The following CAMTA1 variants were observed in gnomAD, a reference collection of about 807,000 sequenced individuals.
CAMTA1 encodes calmodulin binding transcription activator 1.
In CAMTA1, 27 loss-of-function variants were observed where a neutral mutation model predicts 170.9. The observed-to-expected ratio is 0.16, with a 90% CI of 0.12 to 0.22. The LOEUF is 0.22. Ranked by LOEUF, CAMTA1 falls within the 10% of genes least tolerant of loss-of-function variation. CAMTA1 has a pLI of 1.00. For synonymous variants in CAMTA1, 833 were observed against 891.5 expected, an observed-to-expected ratio of 0.93 and a Z score of 1.17; for missense variants, 1,619 against 2,217.2, an observed-to-expected ratio of 0.73 and a Z score of 5.42.
intron 11 of CAMTA1, among the ~76,000 whole-genome samples, chr1:7,714,269 C>T (rs1206448735): frequency 1.3e-5 from 2 of 152,172 alleles, no homozygotes; most frequent in Non-Finnish European, 2.9e-5. Flanking sequence ...GAAAGCTTTT[C>T]CTTCAAGAAA....
At chr1:7,651,849 G>A (rs576806712) in intron 7 of CAMTA1, among the ~76,000 whole-genome samples, 6 of 152,226 alleles carry the variant, frequency 3.9e-5, no homozygotes, top group Admixed American at 6.5e-5. Flanking sequence ...AGGCCAGCAC[G>A]GTGCTGCCAC....
chr1:6,826,311 G>A (rs546158051), intron 3 of CAMTA1, among the ~76,000 whole-genome samples: 1 of 152,204 alleles, frequency 6.6e-6, no homozygotes, highest in South Asian at 2.1e-4. Flanking sequence ...TCTATGTTTT[G>A]ATCATTTTCA....
At chr1:7,149,964 C>G (rs557391513) in intron 4 of CAMTA1, among the ~76,000 whole-genome samples, 11 of 151,910 alleles carry the variant, frequency 7.2e-5, no homozygotes, top group Admixed American at 6.5e-4. Flanking sequence ...GAGGCTTCGT[C>G]TCATTTCCTT....
intron 6 of CAMTA1, among the ~76,000 whole-genome samples, chr1:7,594,834 G>A (rs115784903): frequency 1.5e-3 from 221 of 152,348 alleles, no homozygotes; most frequent in African/African-American, 5.1e-3. Context: ...GGGAACAGGC[G>A]GGATGAAGAG....
intron 6 of CAMTA1, among the ~76,000 whole-genome samples, chr1:7,600,000 T>G (rs1304560159): frequency 6.6e-6 from 1 of 152,084 alleles, no homozygotes; most frequent in Non-Finnish European, 1.5e-5. Flanking sequence ...GGTGAGAGAG[T>G]GCATCCCTGT....
Position 7,333,397 on chromosome 1 carries a change from G to A in CAMTA1, c.438+83771G>A, listed in dbSNP as rs1472456000. Among the ~76,000 whole-genome samples, 4 of 152,188 alleles carry A rather than the reference G, an allele frequency of 2.6e-5. No individual in the cohort carries two copies. The highest frequency in any genetic ancestry group is 9.7e-5 in the African/African-American group (4 of 41,446). ...CACGCTGCAGAGTGATGATCGCATA[G>A]GCACGCCTTCCTGCAAGGTCACAGG... is the stretch of plus-strand genomic sequence containing the variant. On this transcript the variant is annotated intron_variant, in intron 5 of 22. Transcript: ENST00000303635. This position sits in a 1 kb window ranked among gnomAD's most constrained non-coding sequence, Gnocchi z 4.4.
chr1:7,081,076 G>A (rs1639953343), intron 3 of CAMTA1, among the ~76,000 whole-genome samples: 1 of 152,226 alleles, frequency 6.6e-6, no homozygotes, highest in Admixed American at 6.5e-5. Context: ...GAAGTGGTCT[G>A]TAGAAGTGGC....
chr1:7,432,650 G>T (rs2092214040), intron 5 of CAMTA1, among the ~76,000 whole-genome samples: 1 of 152,156 alleles, frequency 6.6e-6, no homozygotes, highest in South Asian at 2.1e-4. Flanking sequence ...GTGCTGGGGT[G>T]GTCCGTCCTG....
At chr1:6,863,744 T>TGAC (rs1433878345) in intron 3 of CAMTA1, among the ~76,000 whole-genome samples, 1 of 152,260 alleles carries the variant, frequency 6.6e-6, no homozygotes, top group East Asian at 1.9e-4. Context: ...CTGTGGTACA[T>TGAC]GTTTCACACC....
At chr1:7,338,515 A>C (rs1040950970) in intron 5 of CAMTA1, among the ~76,000 whole-genome samples, 1 of 152,178 alleles carries the variant, frequency 6.6e-6, no homozygotes, top group Non-Finnish European at 1.5e-5. Flanking sequence ...CATGTATTCA[A>C]ATATTGATTG....
intron 7 of CAMTA1, among the ~76,000 whole-genome samples, chr1:7,652,218 G>A (rs1419601098): frequency 6.6e-6 from 1 of 152,206 alleles, no homozygotes; most frequent in Admixed American, 6.5e-5. Flanking sequence ...GACAAGACCA[G>A]CACATGCCTC....
At chr1:7,720,110 C>T (rs2096639497) in intron 11 of CAMTA1, among the ~76,000 whole-genome samples, 1 of 152,234 alleles carries the variant, frequency 6.6e-6, no homozygotes, top group Non-Finnish European at 1.5e-5. Context: ...CTCACGTTTG[C>T]CGATATTATT....
At chr1:7,197,212 C>T (rs1655682639) in intron 4 of CAMTA1, among the ~76,000 whole-genome samples, 1 of 152,172 alleles carries the variant, frequency 6.6e-6, no homozygotes, top group Non-Finnish European at 1.5e-5. Flanking sequence ...AACACTGAAG[C>T]CACACGTGTG....
intron 5 of CAMTA1, among the ~76,000 whole-genome samples, chr1:7,279,471 C>T (rs1205090645): frequency 6.6e-6 from 1 of 152,096 alleles, no homozygotes; most frequent in East Asian, 1.9e-4. Flanking sequence ...GACCGGCAGC[C>T]CCAAAAGCTG....
intron 3 of CAMTA1, among the ~76,000 whole-genome samples, chr1:7,038,425 T>A (rs1434461014): frequency 6.6e-6 from 1 of 152,232 alleles, no homozygotes; most frequent in African/African-American, 2.4e-5. Context: ...TTAGTTTTTC[T>A]GCCATTTCAA....
At chr1:6,894,428 G>T (rs1014438708) in intron 3 of CAMTA1, among the ~76,000 whole-genome samples, 9 of 152,188 alleles carry the variant, frequency 5.9e-5, no homozygotes, top group Non-Finnish European at 8.8e-5. Context: ...AGGCTTTGTA[G>T]GTTCTTTGGA....
At chr1:6,902,077 A>T (rs28773786) in intron 3 of CAMTA1, among the ~76,000 whole-genome samples, 26 of 70,938 alleles carry the variant, frequency 3.7e-4, no homozygotes, top group East Asian at 2.6e-3. Context: ...ACACACAAAA[A>T]AAAAAATAAA....
At chr1:7,034,532 A>G (rs1406137292) in intron 3 of CAMTA1, among the ~76,000 whole-genome samples, 6 of 152,180 alleles carry the variant, frequency 3.9e-5, no homozygotes, top group African/African-American at 1.2e-4. Flanking sequence ...ATCCATGTCT[A>G]TTTGACTACT....
intron 4 of CAMTA1, among the ~76,000 whole-genome samples, chr1:7,209,513 T>A (rs1017460466): frequency 6.6e-6 from 1 of 152,186 alleles, no homozygotes; most frequent in Non-Finnish European, 1.5e-5. Context: ...GGGAGGCAGC[T>A]GTCAGGTCTG....
Sources: gnomAD v4.1 joint callset for allele counts (sites outside exome capture counted in the v4.1 genomes callset) on GRCh38, gnomAD v4.1.1 for gene constraint, Gnocchi (gnomAD v3.1) non-coding constraint, MANE v1.5 for transcripts, NCBI Gene and HGNC (gene_info 2026-07-23, HGNC 2026-07-21) for gene names.